The following DMD variants were observed in gnomAD, a reference collection of about 807,000 sequenced individuals.
DMD encodes the protein dystrophin, also known as mutant dystrophin.
Under a neutral mutation model 330.1 loss-of-function variants are expected in DMD, and 63 were observed. That is an observed-to-expected ratio of 0.19 (90% confidence interval 0.16 to 0.24). The LOEUF (loss-of-function observed/expected upper bound fraction) is 0.24. Ranked by LOEUF, DMD falls within the 10% of genes least tolerant of loss-of-function variation. The pLI is 1.00. For synonymous variants in DMD, 1,223 were observed against 959.8 expected (o/e 1.27, Z -5.07); for missense variants, 3,344 against 2,684.1 (o/e 1.25, Z -5.43).
intron 18 of DMD, among the ~76,000 whole-genome samples, chrX:32,508,873 C>T (rs1403329004): frequency 3.6e-5 from 4 of 110,155 alleles, no homozygotes; most frequent in Non-Finnish European, 7.6e-5. Flanking sequence ...TGCAGTGGCG[C>T]AATCTTGGCT....
rs185899252 is a variant in DMD, at chrX:32,099,388, C to T, written c.6438+117528G>A. Among the ~76,000 whole-genome samples, 39 of 111,122 alleles carry T rather than the reference C, an allele frequency of 3.5e-4. 1 individual carries two copies. The East Asian group carries it at 7.7e-3, about 22-fold the overall frequency. ...ACCATTTGACCCAGCCATCCCATTA[C>T]TGGGTATATACCCAAAGGACTATAA... On this transcript the variant is annotated intron_variant, in intron 44 of 78. Transcript: ENST00000357033.
chrX:32,971,815 C>T (rs1230823272), intron 2 of DMD, among the ~76,000 whole-genome samples: 1 of 110,443 alleles, frequency 9.1e-6, no homozygotes, highest in Non-Finnish European at 1.9e-5. Flanking sequence ...TTATAGAATT[C>T]TTGAATTTGA....
rs72626081 is a variant in DMD, at chrX:33,270,035, G to A, written c.7+69224C>T. ...CGTAGCTATAAGTGATTTAACAGGG[G>A]CAATGCTTTCTTTACTCTACCCTGA... On this transcript the variant is annotated intron_variant, in intron 1 of 17. Coordinates refer to the DMD transcript ENST00000288447. 6.4e-5 allele frequency among the ~76,000 whole-genome samples: 7 copies of A among 109,901 alleles called. No homozygotes were observed. The East Asian group carries it at 2.0e-3, about 32-fold the overall frequency.
At chrX:32,443,831 C>T (rs188882005) in intron 27 of DMD, among the ~76,000 whole-genome samples, 9 of 111,356 alleles carry the variant, frequency 8.1e-5, no homozygotes, top group Admixed American at 5.7e-4. Context: ...AAGGAAAGTA[C>T]AAATAAAAAA....
chrX:31,421,589 G>A (rs2063363614), intron 60 of DMD, among the ~76,000 whole-genome samples: 1 of 110,908 alleles, frequency 9.0e-6, no homozygotes. Context: ...AAAATGAGCT[G>A]CTATTGCAAA....
At chrX:31,896,174 A>G (rs2094329437) in intron 47 of DMD, among the ~76,000 whole-genome samples, 1 of 112,179 alleles carries the variant, frequency 8.9e-6, no homozygotes, top group Admixed American at 9.5e-5. Flanking sequence ...ATGTGAAAGA[A>G]ACTTGGCAGG....
At chrX:32,986,832 A>G (rs1204968126) in intron 2 of DMD, among the ~76,000 whole-genome samples, 1 of 112,500 alleles carries the variant, frequency 8.9e-6, no homozygotes, top group African/African-American at 3.2e-5. Flanking sequence ...GGTTATTTGC[A>G]TTTCTTGTAA....
chrX:32,785,721 G>A (rs1023782833), intron 7 of DMD, among the ~76,000 whole-genome samples: 8 of 110,040 alleles, frequency 7.3e-5, no homozygotes, highest in Non-Finnish European at 1.1e-4. Context: ...AACTTTTTTC[G>A]TATTTCACAT....
At chrX:33,072,321 G>T (rs1325342962) in intron 1 of DMD, among the ~76,000 whole-genome samples, 1 of 111,689 alleles carries the variant, frequency 9.0e-6, no homozygotes, top group African/African-American at 3.3e-5. Flanking sequence ...GGGAGGCTGA[G>T]GTAGGAGAAT....
At chrX:31,598,790 T>C (rs976342118) in intron 55 of DMD, among the ~76,000 whole-genome samples, 1 of 111,943 alleles carries the variant, frequency 8.9e-6, no homozygotes, top group Non-Finnish European at 1.9e-5. Context: ...AGAAAACTCT[T>C]ACCATTGGGG....
At chrX:33,170,293 G>T (rs1044718232) in intron 1 of DMD, among the ~76,000 whole-genome samples, 2 of 110,632 alleles carry the variant, frequency 1.8e-5, no homozygotes, top group African/African-American at 6.6e-5. Flanking sequence ...ACTGAATGTT[G>T]TAGAAATAAT....
At chrX:31,681,636 A>G (rs750975233) in intron 52 of DMD, among the ~76,000 whole-genome samples, 3 of 112,779 alleles carry the variant, frequency 2.7e-5, no homozygotes, top group Non-Finnish European at 3.8e-5. Flanking sequence ...AGCCTCCCAG[A>G]ATAAAGAGCA....
intron 67 of DMD, among the ~76,000 whole-genome samples, chrX:31,185,900 G>C (rs1390015492): frequency 9.0e-6 from 1 of 111,707 alleles, no homozygotes; most frequent in East Asian, 2.8e-4. Flanking sequence ...CAAGAACCAA[G>C]AAGCATTACT....
intron 7 of DMD, among the ~76,000 whole-genome samples, chrX:32,783,732 A>G (rs1329935701): frequency 9.9e-5 from 11 of 111,256 alleles, no homozygotes; most frequent in Non-Finnish European, 5.7e-5. Flanking sequence ...CATAGGTTAT[A>G]TGCAAATATG....
rs1185339388 is a variant in DMD, at chrX:32,072,764, T to TG, written c.6439-104251dup. On this transcript the variant is annotated intron_variant, in intron 44 of 78. Coordinates refer to ENST00000357033, the MANE Select transcript of DMD (RefSeq NM_004006.3). The stretch of plus-strand genomic sequence containing the variant: ...TCTTTTTTGATCATCTTAGGTAGCC[T>TG]GGGGAAAAAAAATCACTCCAGGTAC... Among the ~76,000 whole-genome samples the TG allele has an allele frequency of 4.5e-5, 5 of 111,869 alleles. No individual in the cohort carries two copies. In the East Asian group the frequency reaches 1.1e-3, roughly 25 times the overall value.
chrX:31,984,736 T>C (rs1228221933), intron 44 of DMD, among the ~76,000 whole-genome samples: 1 of 112,335 alleles, frequency 8.9e-6, no homozygotes, highest in Non-Finnish European at 1.9e-5. Context: ...CCAGGTGTTA[T>C]ATAAATGGAC....
rs765005796 is a variant in DMD, at chrX:32,849,689, TAAGTTTA to T, written c.186+32_186+38del. ...GTCAGTTTCTGGTCTGAAATTCTAC[TAAGTTTA>T]AAGTTAACTTTCTTAAAAATAAGTC... On this transcript the variant is annotated intron_variant, in intron 3 of 78. Transcript: ENST00000357033. 6.9e-6 allele frequency: 7 copies of T among 1,009,661 alleles called. No homozygotes were observed. The African/African-American group carries it at 1.1e-4, about 16-fold the overall frequency. The allele number at this position is 1,009,661 out of a possible 1,213,427, so 83.2% of individuals were successfully genotyped here. A position where few individuals can be genotyped will look rare whatever the true frequency, so the allele number is the denominator to read the frequency against.
intron 60 of DMD, among the ~76,000 whole-genome samples, chrX:31,364,281 T>C (rs1352255439): frequency 1.8e-5 from 2 of 112,352 alleles, no homozygotes; most frequent in Non-Finnish European, 3.8e-5. Context: ...CACGATTCCA[T>C]TCCCCTAGCC....
rs148390241 is a variant in DMD, at chrX:32,635,275, T to A, written c.1331+8857A>T. Among the ~76,000 whole-genome samples the A allele has an allele frequency of 4.5e-5, 5 of 111,576 alleles. No individual in the cohort carries two copies. In the East Asian group the frequency reaches 1.1e-3, roughly 25 times the overall value. On this transcript the variant is annotated intron_variant, in intron 11 of 78. Coordinates refer to ENST00000357033, the MANE Select transcript of DMD (RefSeq NM_004006.3). ...TGCCTTTACTACCCTCTTCTGTGCC[T>A]CTTTCTGTGATACAACCCAAAAACC...
Sources: allele counts gnomAD v4.1 joint callset (sites outside exome capture counted in the v4.1 genomes callset), GRCh38; gene constraint gnomAD v4.1.1; transcripts MANE v1.5; gene names NCBI Gene and HGNC (gene_info 2026-07-23, HGNC 2026-07-21).